The following MOB3B variants were observed in gnomAD, a reference collection of about 807,000 sequenced individuals.
MOB3B encodes MOB kinase activator-like 2B.
MOB3B carries 7 observed loss-of-function variants against 18.7 expected under a neutral mutation model. The ratio of observed to expected loss-of-function variants is 0.37; its 90% CI spans 0.21 to 0.70. The LOEUF is 0.70. Ranked by LOEUF, MOB3B falls within the 30% of genes least tolerant of loss-of-function variation. The pLI is 0.52. For synonymous variants in MOB3B, 111 were observed against 99.9 expected, an observed-to-expected ratio of 1.11 and a Z score of -0.66; for missense variants, 253 against 281.3, an observed-to-expected ratio of 0.90 and a Z score of 0.72.
intron 1 of MOB3B, among the ~76,000 whole-genome samples, chr9:27,475,889 C>G (rs934933078): frequency 2.6e-5 from 4 of 152,232 alleles, no homozygotes; most frequent in African/African-American, 9.6e-5. Context: ...GCTGGTTGCA[C>G]TGCCTCCACT....
intron 3 of MOB3B, among the ~76,000 whole-genome samples, chr9:27,356,310 C>G (rs976174964): frequency 6.6e-6 from 1 of 152,130 alleles, no homozygotes; most frequent in Non-Finnish European, 1.5e-5. Context: ...AACCTGGTAC[C>G]TTTCTTGCTC....
At chr9:27,522,873 C>T (rs1168018589) in intron 1 of MOB3B, among the ~76,000 whole-genome samples, 9 of 151,314 alleles carry the variant, frequency 5.9e-5, no homozygotes, top group Non-Finnish European at 1.0e-4. Context: ...AGAAATCTGC[C>T]CATGAAATAA....
In MOB3B at chr9:27,529,715, C is replaced by A. The variant is rs1387136405; in HGVS notation, c.-359G>T. 1.0e-6 allele frequency: 1 copy of A among 985,420 alleles called. No individual in the cohort carries two copies. The highest frequency in any genetic ancestry group is 1.2e-6 in the Non-Finnish European group (1 of 829,930). 61.0% of individuals were successfully genotyped at this position (985,420 alleles called of 1,614,324 possible). The stretch of plus-strand genomic sequence containing the variant: ...GTGCGCGAGGTCCCGGCGAGCCAAC[C>A]GGCGGACGGGCGAGCGCCTGGCTCC... On this transcript the variant is annotated 5_prime_UTR_variant, in exon 1 of 4. Transcript: ENST00000262244.
rs546065606 is a variant in MOB3B, at chr9:27,470,284, A to C, written c.-198-14536T>G. On this transcript the variant is annotated intron_variant, in intron 1 of 3. Coordinates refer to ENST00000262244, the MANE Select transcript of MOB3B (RefSeq NM_024761.5). Reference sequence around the variant, plus strand: ...GTTTTATGCAGGCCCTCAATTTTATAAAAATAAATAAAAATTATTTATCTC... The same window carrying C: ...GTTTTATGCAGGCCCTCAATTTTATCAAAATAAATAAAAATTATTTATCTC... Among the ~76,000 whole-genome samples, 117 of 152,150 alleles carry C rather than the reference A, an allele frequency of 7.7e-4. 1 individual carries two copies. Among genetic ancestry groups the C allele is most frequent in the Non-Finnish European group, 3.1e-4 (21 of 67,988 alleles).
intron 1 of MOB3B, among the ~76,000 whole-genome samples, chr9:27,513,997 A>G (rs954766645): frequency 6.6e-6 from 1 of 152,130 alleles, no homozygotes; most frequent in African/African-American, 2.4e-5. Context: ...AACAACTGGA[A>G]CCATCCATGA....
chr9:27,485,583 C>T (rs895567693), intron 1 of MOB3B, among the ~76,000 whole-genome samples: 5 of 152,202 alleles, frequency 3.3e-5, no homozygotes, highest in African/African-American at 1.2e-4. Flanking sequence ...CTTTACATTT[C>T]ACTTTCATAT....
intron 2 of MOB3B, among the ~76,000 whole-genome samples, chr9:27,387,797 A>T (rs1821668480): frequency 6.6e-6 from 1 of 152,192 alleles, no homozygotes; most frequent in African/African-American, 2.4e-5. Flanking sequence ...GAAAGACAGA[A>T]AGTACAGGCT....
At position 27,327,669 on chromosome 9, in the gene MOB3B, T is replaced by C. The variant is rs923460721; in HGVS notation, c.*2918A>G. ...AACAAAAGAGAATGACAACTACATA[T>C]AACGTATAATTCTTGATTGGATCCT... On this transcript the variant is annotated 3_prime_UTR_variant, in exon 4 of 4. Transcript: ENST00000262244. 1 of 152,082 alleles carries C rather than the reference T, an allele frequency of 6.6e-6. No individual in the cohort carries two copies. Among genetic ancestry groups the C allele is most frequent in the African/African-American group, 2.4e-5 (1 of 41,392 alleles). The allele number at this position is 152,082 out of a possible 1,614,324, so 9.4% of individuals were successfully genotyped here.
chr9:27,475,383 T>C (rs1052038392), intron 1 of MOB3B, among the ~76,000 whole-genome samples: 2 of 152,274 alleles, frequency 1.3e-5, no homozygotes, highest in Non-Finnish European at 2.9e-5. Context: ...ATAAACGTTG[T>C]TGTTTTTAAA....
chr9:27,488,490 C>T (rs1001325528), intron 1 of MOB3B, among the ~76,000 whole-genome samples: 2 of 152,198 alleles, frequency 1.3e-5, no homozygotes, highest in Admixed American at 1.3e-4. Context: ...TTACTGCAGC[C>T]TCTGCCTCCC....
At chr9:27,520,047 C>A (rs1417679200) in intron 1 of MOB3B, among the ~76,000 whole-genome samples, 1 of 152,118 alleles carries the variant, frequency 6.6e-6, no homozygotes, top group Non-Finnish European at 1.5e-5. Context: ...ACAAATGGAA[C>A]AATGTACTTT....
chr9:27,468,118 C>T (rs762392136), intron 1 of MOB3B, among the ~76,000 whole-genome samples: 6 of 152,204 alleles, frequency 3.9e-5, no homozygotes, highest in African/African-American at 1.4e-4. Context: ...TGCAGAAAGT[C>T]TGTCTACACA....
intron 2 of MOB3B, among the ~76,000 whole-genome samples, chr9:27,371,158 G>T (rs939990508): frequency 6.6e-6 from 1 of 152,174 alleles, no homozygotes; most frequent in Non-Finnish European, 1.5e-5. Flanking sequence ...GCCAGATTTG[G>T]TTGGCAAATC....
chr9:27,517,788 G>T, intron 1 of MOB3B, among the ~76,000 whole-genome samples: 1 of 151,496 alleles, frequency 6.6e-6, no homozygotes, highest in Non-Finnish European at 1.5e-5. Flanking sequence ...TGTACGCTGT[G>T]TGCTAAACAC....
chr9:27,457,169 T>A (rs1322314353), intron 1 of MOB3B, among the ~76,000 whole-genome samples: 1 of 152,242 alleles, frequency 6.6e-6, no homozygotes, highest in Non-Finnish European at 1.5e-5. Flanking sequence ...AGTAATGGAC[T>A]TCGACTTGTC....
chr9:27,422,161 T>G (rs1010611658), intron 2 of MOB3B, among the ~76,000 whole-genome samples: 1 of 152,210 alleles, frequency 6.6e-6, no homozygotes, highest in Non-Finnish European at 1.5e-5. Flanking sequence ...TGGAAAATAG[T>G]GAGGATCAAA....
intron 1 of MOB3B, among the ~76,000 whole-genome samples, chr9:27,483,347 T>C (rs1446306663): frequency 6.6e-6 from 1 of 152,118 alleles, no homozygotes. Flanking sequence ...TTAGCCAGAA[T>C]GATCTTGATC....
chr9:27,460,314 C>T (rs996615022), intron 1 of MOB3B, among the ~76,000 whole-genome samples: 1 of 152,204 alleles, frequency 6.6e-6, no homozygotes, highest in East Asian at 1.9e-4. Flanking sequence ...GTTCCATGTG[C>T]TCTCCATATT....
chr9:27,440,665 C>T (rs1822581049), intron 2 of MOB3B, among the ~76,000 whole-genome samples: 4 of 152,170 alleles, frequency 2.6e-5, no homozygotes, highest in African/African-American at 7.2e-5. Flanking sequence ...CCACCAGTTA[C>T]GCATCTAGTC....
Sources: allele counts gnomAD v4.1 joint callset (sites outside exome capture counted in the v4.1 genomes callset), GRCh38; gene constraint gnomAD v4.1.1; transcripts MANE v1.5; gene names NCBI Gene and HGNC (gene_info 2026-07-23, HGNC 2026-07-21).